NYNRIN: variants seen among roughly 807,000 people sequenced by gnomAD.
The protein encoded by NYNRIN is NYN domain and retroviral integrase containing, also known as protein NYNRIN.
A neutral mutation model predicts 146.6 loss-of-function variants in NYNRIN; 86 were observed. That is an observed-to-expected ratio of 0.59 (90% confidence interval 0.49 to 0.70). The LOEUF is 0.70. NYNRIN is among the 30% of genes least tolerant of loss of function. The pLI is 0.00. For missense variants in NYNRIN, 2,191 were observed against 2,377.7 expected (o/e 0.92, Z 1.63); for synonymous variants, 1,027 against 1,001.3 (o/e 1.03, Z -0.48).
Position 24,417,231 on chromosome 14 carries a change from G to A in NYNRIN, c.5482G>A (p.Val1828Met), listed in dbSNP as rs2042954366. Residue 1828 changes from valine (V) to methionine (M), a missense_variant, in exon 9 of 9, where the codon GTG (valine) becomes ATG (methionine). Val to Met is a conservative substitution (Grantham distance 21, BLOSUM62 1). Coordinates refer to ENST00000382554, the MANE Select transcript of NYNRIN (RefSeq NM_025081.3). ...GGAGAGCCAGGAGAAGGAGTGGAAT[G>A]TGGGTGACCAGGTCCTTTTGCTGTC... is the stretch of plus-strand genomic sequence containing the variant. ...KRESQEKEWN[V>M]GDQVLLLSLP... 3 of 1,613,950 alleles carry A rather than the reference G, an allele frequency of 1.9e-6. No homozygotes were observed. Among genetic ancestry groups the A allele is most frequent in the Non-Finnish European group, 2.5e-6 (3 of 1,179,906 alleles).
chr14:24,410,133 A>T lies in NYNRIN; in HGVS notation c.2339A>T (p.Glu780Val), dbSNP rs372080002. The change falls in exon 4 of 9, where the codon GAG becomes GTG. Residue 780 changes from glutamate (E) to valine (V), a missense_variant. Transcript: ENST00000382554. ...CACGAGGCCCTGAATACACCCTTCG[A>T]GCTGAACCTGTCAGGGGAACCTGGA... ...RYHEALNTPF[E>V]LNLSGEPGNQ... The T allele has an allele frequency of 4.3e-6, 7 of 1,613,580 alleles. No individual in the cohort carries two copies. The African/African-American group carries it at 9.3e-5, about 22-fold the overall frequency.
intron 2 of NYNRIN, among the ~76,000 whole-genome samples, chr14:24,400,126 G>C (rs2042831905): frequency 6.6e-6 from 1 of 152,178 alleles, no homozygotes; most frequent in Non-Finnish European, 1.5e-5. Context: ...CAGGGGTTCA[G>C]AGTGGGGTGC....
Position 24,415,820 on chromosome 14 carries a change from C to T in NYNRIN, c.4071C>T (p.Ala1357=), listed in dbSNP as rs776638631. 17 of 1,613,870 alleles carry T rather than the reference C, an allele frequency of 1.1e-5. No homozygotes were observed. Among genetic ancestry groups the T allele is most frequent in the Admixed American group, 6.7e-5 (4 of 60,012 alleles). The change falls in exon 9 of 9, where the codon GCC becomes GCT. Residue 1357 remains alanine, a synonymous_variant. Coordinates refer to ENST00000382554, the MANE Select transcript of NYNRIN (RefSeq NM_025081.3). ...CGCCAACCTATGCCCACCTGGCAGCCGTGGCCTGCGGCCTGGAGCGCTTTG... is the reference window on the plus strand; with the variant it reads ...CGCCAACCTATGCCCACCTGGCAGCTGTGGCCTGCGGCCTGGAGCGCTTTG... ...PYTPTYAHLA[A]VACGLERFGQ...
intron 1 of NYNRIN, 41 bp from the exon 2 acceptor site, chr14:24,399,189 G>T: frequency 6.5e-7 from 1 of 1,545,278 alleles, no homozygotes; most frequent in Non-Finnish European, 8.8e-7. Flanking sequence ...GGCGCCTGCC[G>T]CCCCGAGACC....
At chr14:24,405,166 A>G (rs1204910537) in intron 2 of NYNRIN, among the ~76,000 whole-genome samples, 1 of 151,980 alleles carries the variant, frequency 6.6e-6, no homozygotes, top group Non-Finnish European at 1.5e-5. Flanking sequence ...TTCACTTCCA[A>G]TTCCAGAGTT....
intron 2 of NYNRIN, 37 bp from the exon 3 acceptor site, chr14:24,407,832 C>A: frequency 6.5e-7 from 1 of 1,542,352 alleles, no homozygotes; most frequent in Non-Finnish European, 8.7e-7. Flanking sequence ...AGGCCCCCAA[C>A]GGGCTGACTT....
intron 2 of NYNRIN, among the ~76,000 whole-genome samples, chr14:24,401,844 T>A (rs567402489): frequency 6.6e-6 from 1 of 152,338 alleles, no homozygotes; most frequent in South Asian, 2.1e-4. Flanking sequence ...AAATGCTGTC[T>A]GAGGTCCAGC....
intron 2 of NYNRIN, among the ~76,000 whole-genome samples, chr14:24,402,370 G>C (rs969998447): frequency 6.6e-6 from 1 of 152,114 alleles, no homozygotes; most frequent in Admixed American, 6.5e-5. Flanking sequence ...AGTGAGGTGA[G>C]GATGGGGTGG....
Position 24,413,031 on chromosome 14 carries a change from A to G in NYNRIN, c.2677A>G (p.Ile893Val). 2 of 1,601,984 alleles carry G rather than the reference A, an allele frequency of 1.2e-6. No individual in the cohort carries two copies. Among genetic ancestry groups the G allele is most frequent in the African/African-American group, 1.3e-5 (1 of 74,926 alleles). The change falls in exon 7 of 9, where the codon ATC (isoleucine) becomes GTC (valine). Residue 893 changes from isoleucine (I) to valine (V), a missense_variant. Transcript: ENST00000382554. ...AAAGCTGGCAGAGGAGACAGATGGC[A>G]TCATTGTCACCAATGAGCAGATTCA... Reference protein sequence around the residue: ...MVKLAEETDGIIVTNEQIHIL... With the variant: ...MVKLAEETDGVIVTNEQIHIL...
intron 2 of NYNRIN, among the ~76,000 whole-genome samples, chr14:24,400,526 C>A (rs1218081250): frequency 6.6e-6 from 1 of 152,182 alleles, no homozygotes; most frequent in Non-Finnish European, 1.5e-5. Flanking sequence ...GGTAGGCAGG[C>A]AGGCTGGGAA....
At position 24,414,918 on chromosome 14, in the gene NYNRIN, C is replaced by T. The variant is rs1186363240; in HGVS notation, c.3169C>T (p.Leu1057=). ...PPDGALDIDL[L]PGAASPYLGI... ...TGATGGGGCCCTGGACATCGACCTC[C>T]TGCCAGGGGCAGCTTCTCCCTACCT... Residue 1057 remains leucine (L), a synonymous_variant, in exon 9 of 9, where the codon CTG becomes TTG. Transcript: ENST00000382554. 1 of 1,601,972 alleles carries T rather than the reference C, an allele frequency of 6.2e-7. No homozygotes were observed. Among genetic ancestry groups the T allele is most frequent in the African/African-American group, 1.3e-5 (1 of 74,778 alleles).
intron 2 of NYNRIN, among the ~76,000 whole-genome samples, chr14:24,403,563 T>C (rs1296756797): frequency 5.9e-5 from 9 of 152,254 alleles, no homozygotes; most frequent in Admixed American, 2.6e-4. Context: ...TGCAGATGCC[T>C]GCTTTCAACA....
Position 24,408,707 on chromosome 14 carries a change from C to T in NYNRIN, c.913C>T (p.Gln305Ter), listed in dbSNP as rs1441809691. 6.2e-7 allele frequency: 1 copy of T among 1,613,462 alleles called. No homozygotes were observed. The highest frequency in any genetic ancestry group is 8.5e-7 in the Non-Finnish European group (1 of 1,179,668). ...MDSAQEEGTV[Q>*]ATSSQDSTNH... Reference sequence around the variant, plus strand: ...CAGTGCTCAAGAGGAAGGGACAGTGCAAGCCACCAGCAGCCAGGACTCCAC... The same window carrying T: ...CAGTGCTCAAGAGGAAGGGACAGTGTAAGCCACCAGCAGCCAGGACTCCAC... The change falls in exon 4 of 9, where the codon CAA becomes TAA. Residue 305 changes from glutamine to a stop codon, truncating the protein, a stop_gained. Coordinates refer to ENST00000382554, the MANE Select transcript of NYNRIN (RefSeq NM_025081.3). LOFTEE classifies it high-confidence loss of function.
chr14:24,417,448 C>T lies in NYNRIN; in HGVS notation c.*2C>T, dbSNP rs777575532. On this transcript the variant is annotated 3_prime_UTR_variant, in exon 9 of 9. Transcript: ENST00000382554. ...TCCTTCAAGGTCTTGGAGCAGTGAG[C>T]GGGAGCAGCGGGGGTGCCCCCTGCC... 29 of 1,465,340 alleles carry T rather than the reference C, an allele frequency of 2.0e-5. No homozygotes were observed. The highest frequency in any genetic ancestry group is 7.1e-5 in the African/African-American group (5 of 70,636). The allele number at this position is 1,465,340 out of a possible 1,614,324, so 90.8% of individuals were successfully genotyped here. A position where few individuals can be genotyped will look rare whatever the true frequency, so the allele number is the denominator to read the frequency against.
chr14:24,410,692 T>G (rs949675235), intron 4 of NYNRIN, among the ~76,000 whole-genome samples: 12 of 152,200 alleles, frequency 7.9e-5, no homozygotes, highest in South Asian at 4.1e-4. Context: ...GCATGCCACA[T>G]AATTTGCCAC....
chr14:24,408,880 G>A lies in NYNRIN; in HGVS notation c.1086G>A (p.Gly362=). Reference sequence around the variant, plus strand: ...CAGCCTTTGGGCCATTGTGGCCGGGGGCTATTGCTGCAACCTTCTGGAGGA... The same window carrying A: ...CAGCCTTTGGGCCATTGTGGCCGGGAGCTATTGCTGCAACCTTCTGGAGGA... The part of the protein sequence containing the change: ...PGPAFGPLWP[G]AIAATFWRIN... Residue 362 remains glycine (G), a synonymous_variant, in exon 4 of 9, where the codon GGG becomes GGA. Coordinates refer to ENST00000382554, the MANE Select transcript of NYNRIN (RefSeq NM_025081.3). 6.2e-7 allele frequency: 1 copy of A among 1,613,986 alleles called. No homozygotes were observed. Among genetic ancestry groups the A allele is most frequent in the Non-Finnish European group, 8.5e-7 (1 of 1,179,872 alleles).
intron 8 of NYNRIN, 32 bp downstream of exon 8, chr14:24,413,449 C>G: frequency 6.8e-7 from 1 of 1,472,446 alleles, no homozygotes; most frequent in Non-Finnish European, 9.3e-7. Flanking sequence ...GCCTCCCAGG[C>G]CCTCCTGGGG....
chr14:24,416,359 C>T lies in NYNRIN; in HGVS notation c.4610C>T (p.Pro1537Leu), dbSNP rs1167734594. Reference protein sequence around the residue: ...GDKKPRVWVVPTQLRRDLIFS... With the variant: ...GDKKPRVWVVLTQLRRDLIFS... The stretch of plus-strand genomic sequence containing the variant: ...AAGAAGCCCAGGGTCTGGGTAGTCC[C>T]GACGCAACTCCGGAGGGATCTGATT... The change falls in exon 9 of 9, where the codon CCG (proline) becomes CTG (leucine). Residue 1537 changes from proline to leucine, a missense_variant. By Grantham distance (98) the Pro-to-Leu change is moderately conservative. Coordinates refer to ENST00000382554, the MANE Select transcript of NYNRIN (RefSeq NM_025081.3). 5.6e-6 allele frequency: 9 copies of T among 1,613,310 alleles called. No individual in the cohort carries two copies. The highest frequency in any genetic ancestry group is 7.6e-6 in the Non-Finnish European group (9 of 1,179,584).
chr14:24,410,995 C>A, intron 4 of NYNRIN, 81 bp from the exon 5 acceptor site: 2 of 1,547,128 alleles, frequency 1.3e-6, no homozygotes, highest in Non-Finnish European at 1.8e-6. Context: ...TTGGTGCTGG[C>A]ATTGCTTGCT....
Sources: allele counts gnomAD v4.1 joint callset (sites outside exome capture counted in the v4.1 genomes callset), GRCh38; gene constraint gnomAD v4.1.1; transcripts MANE v1.5; gene names NCBI Gene and HGNC (gene_info 2026-07-23, HGNC 2026-07-21).